The following ARF4 variants were observed in gnomAD, a reference collection of about 807,000 sequenced individuals.
ARF4 encodes ADP-ribosylation factor 4.
In ARF4, 5 loss-of-function variants were observed where a neutral mutation model predicts 24.3. That is an observed-to-expected ratio of 0.21 (90% confidence interval 0.11 to 0.43). The LOEUF is 0.43. Among genes scored for constraint, ARF4 ranks in the 20% least tolerant of loss-of-function variants. ARF4 has a pLI of 1.00. For missense variants in ARF4, 107 were observed against 213.0 expected, an observed-to-expected ratio of 0.50 and a Z score of 3.10; for synonymous variants, 62 against 73.5, an observed-to-expected ratio of 0.84 and a Z score of 0.80.
At chr3:57,595,209 A>G (rs910226111) in intron 1 of ARF4, among the ~76,000 whole-genome samples, 6 of 152,214 alleles carry the variant, frequency 3.9e-5, no homozygotes, top group African/African-American at 1.4e-4. Flanking sequence ...CCCCTCTGAT[A>G]CTTTCATCAA....
At chr3:57,582,105 G>A (rs912527980) in intron 3 of ARF4, among the ~76,000 whole-genome samples, 1 of 152,068 alleles carries the variant, frequency 6.6e-6, no homozygotes, top group Non-Finnish European at 1.5e-5. Context: ...CAGAAACAGT[G>A]GTTTCTGGTC....
chr3:57,595,720 G>A (rs1559788658), intron 1 of ARF4, among the ~76,000 whole-genome samples: 3 of 152,154 alleles, frequency 2.0e-5, no homozygotes. Flanking sequence ...AAGCCTGGGT[G>A]GGTGGATCAC....
chr3:57,581,488 T>C (rs1187074272), intron 3 of ARF4, among the ~76,000 whole-genome samples: 1 of 152,202 alleles, frequency 6.6e-6, no homozygotes, highest in Non-Finnish European at 1.5e-5. Flanking sequence ...AGCAAGGTTT[T>C]ACTTCATATC....
chr3:57,584,126 A>G (rs1008129194), intron 2 of ARF4, 119 bp from the exon 3 acceptor site: 49 of 769,004 alleles, frequency 6.4e-5, no homozygotes, highest in Non-Finnish European at 1.0e-4. Flanking sequence ...TAAAAAATAT[A>G]TTTAAGCCTA....
chr3:57,585,038 A>G (rs909216643), intron 1 of ARF4, among the ~76,000 whole-genome samples: 1 of 151,896 alleles, frequency 6.6e-6, no homozygotes, highest in Non-Finnish European at 1.5e-5. Flanking sequence ...TAATTTTTGT[A>G]TTTTTAGTAG....
intron 2 of ARF4, 80 bp from the exon 3 acceptor site, chr3:57,584,087 A>G: frequency 1.0e-6 from 1 of 1,004,110 alleles, no homozygotes; most frequent in Admixed American, 2.4e-5. Context: ...TTCTTAGAAT[A>G]GTGTTTTTAA....
intron 1 of ARF4, among the ~76,000 whole-genome samples, chr3:57,591,569 G>A (rs2070117007): frequency 6.6e-6 from 1 of 151,600 alleles, no homozygotes; most frequent in Non-Finnish European, 1.5e-5. Context: ...CGGGTTCAAG[G>A]GATTCTCGTG....
chr3:57,595,445 T>C (rs2070168398), intron 1 of ARF4, among the ~76,000 whole-genome samples: 1 of 152,162 alleles, frequency 6.6e-6, no homozygotes, highest in African/African-American at 2.4e-5. Flanking sequence ...CTTGCCCTCC[T>C]AAAATAATTC....
intron 4 of ARF4, among the ~76,000 whole-genome samples, chr3:57,576,504 C>CTTTTTTTTT (rs376750506): frequency 9.8e-6 from 1 of 101,616 alleles, no homozygotes; most frequent in Non-Finnish European, 2.0e-5. Context: ...CTCAACCAAG[C>CTTTTTTTTT]TTTTTTTTTT....
At chr3:57,589,753 T>C (rs928413880) in intron 1 of ARF4, among the ~76,000 whole-genome samples, 4 of 149,474 alleles carry the variant, frequency 2.7e-5, no homozygotes, top group African/African-American at 9.9e-5. Flanking sequence ...AAACAAACCT[T>C]TGCCCATAAT....
intron 5 of ARF4, among the ~76,000 whole-genome samples, chr3:57,574,135 T>C (rs1306979020): frequency 6.6e-6 from 1 of 151,840 alleles, no homozygotes; most frequent in Non-Finnish European, 1.5e-5. Flanking sequence ...GAGATGGGGT[T>C]TCATCATCTT....
intron 3 of ARF4, among the ~76,000 whole-genome samples, chr3:57,580,706 C>A (rs1263685151): frequency 6.6e-6 from 1 of 152,102 alleles, no homozygotes. Context: ...GAAACCTACC[C>A]TTTACAAGAG....
intron 5 of ARF4, 50 bp from the exon 6 acceptor site, chr3:57,572,348 C>T (rs1445896594): frequency 1.3e-5 from 18 of 1,352,634 alleles, no homozygotes; most frequent in East Asian, 2.3e-5. Context: ...TAATATATAA[C>T]ACCAGTGTTT....
rs968876197 is a variant in ARF4, at chr3:57,581,770, T to C, written c.258+2128A>G. On this transcript the variant is annotated intron_variant, in intron 3 of 5. Coordinates refer to ENST00000303436, the MANE Select transcript of ARF4 (RefSeq NM_001660.4). Reference sequence around the variant, plus strand: ...AGCCAAGATTGCGCCATAGCCTGGGTGACAGGACGAGAACTCCATCTCAAA... The same window carrying C: ...AGCCAAGATTGCGCCATAGCCTGGGCGACAGGACGAGAACTCCATCTCAAA... Among the ~76,000 whole-genome samples the C allele has an allele frequency of 5.9e-5, 9 of 152,152 alleles. No homozygotes were observed. The Middle Eastern group carries it at 0.01, about 174-fold the overall frequency.
intron 2 of ARF4, 34 bp from the exon 3 acceptor site, chr3:57,584,041 C>T (rs1268512471): frequency 8.0e-6 from 11 of 1,368,840 alleles, no homozygotes; most frequent in Middle Eastern, 1.8e-4. Flanking sequence ...CGCTGTGCAG[C>T]GTCATTAAGA....
chr3:57,574,408 A>AT (rs71088093), intron 5 of ARF4, among the ~76,000 whole-genome samples: 49,163 of 145,288 alleles, frequency 0.34, 8,323 homozygotes, highest in East Asian at 0.55. Context: ...AGAAGTACAA[A>AT]TTTTTTTTTT....
At chr3:57,575,959 T>C (rs921165049) in intron 4 of ARF4, among the ~76,000 whole-genome samples, 4 of 152,148 alleles carry the variant, frequency 2.6e-5, no homozygotes, top group East Asian at 1.9e-4. Context: ...TGATTACCCA[T>C]TGTCAGGACT....
At chr3:57,573,015 ACG>A (rs2069858676) in intron 5 of ARF4, among the ~76,000 whole-genome samples, 2 of 151,970 alleles carry the variant, frequency 1.3e-5, no homozygotes, top group South Asian at 4.2e-4. Context: ...TTCCTGGCTA[ACG>A]CAGTGAAACC....
chr3:57,584,634 A>C (rs1333355852), intron 1 of ARF4, among the ~76,000 whole-genome samples, 170 bp from the exon 2 acceptor site: 1 of 152,200 alleles, frequency 6.6e-6, no homozygotes, highest in Admixed American at 6.5e-5. Flanking sequence ...CACTTCCTAC[A>C]GAAAGCCTTT....
Sources: allele counts gnomAD v4.1 joint callset (sites outside exome capture counted in the v4.1 genomes callset), GRCh38; gene constraint gnomAD v4.1.1; transcripts MANE v1.5; gene names NCBI Gene and HGNC (gene_info 2026-07-23, HGNC 2026-07-21).